Variants in LRRC23 observed in about 807,000 individuals in gnomAD.
The protein encoded by LRRC23 is leucine rich repeat containing 23, also known as leucine-rich repeat-containing protein 23.
In LRRC23, 28 loss-of-function variants were observed where a neutral mutation model predicts 37.7. The observed-to-expected ratio is 0.74, with a 90% confidence interval of 0.55 to 1.02. The LOEUF is 1.02. LRRC23 is among the 50% of genes least tolerant of loss of function. LRRC23 has a pLI of 0.00. For synonymous variants in LRRC23, 161 were observed against 165.4 expected (o/e 0.97, Z 0.20); for missense variants, 377 against 413.2 (o/e 0.91, Z 0.76).
At chr12:6,910,748 TA>T (rs1305619050) in intron 6 of LRRC23, among the ~76,000 whole-genome samples, 1 of 151,318 alleles carries the variant, frequency 6.6e-6, no homozygotes, top group African/African-American at 2.4e-5. Context: ...AAAATTAAAA[TA>T]TTAAATTAAA....
At position 6,913,994 on chromosome 12, in the gene LRRC23, A is replaced by ATT. The variant is rs781815681; in HGVS notation, c.*129_*130dup. 6.2e-7 allele frequency: 1 copy of ATT among 1,613,974 alleles called. No individual in the cohort carries two copies. The highest frequency in any genetic ancestry group is 8.5e-7 in the Non-Finnish European group (1 of 1,179,936). ...GCCTGTTTTTGCCCCAAAGCTGGAA[A>ATT]TTCATCACAACCTGAGGCCCAGGAT... On this transcript the variant is annotated 3_prime_UTR_variant, in exon 8 of 8. Coordinates refer to ENST00000443597, the MANE Select transcript of LRRC23 (RefSeq NM_001135217.2).
At chr12:6,905,993 T>C (rs782616679) in intron 3 of LRRC23, 39 bp downstream of exon 3, 2 of 1,526,022 alleles carry the variant, frequency 1.3e-6, no homozygotes, top group Non-Finnish European at 1.8e-6. Context: ...TGTGAGACTG[T>C]AGGGCCCCTA....
chr12:6,906,831 C>G, intron 4 of LRRC23, 169 bp downstream of exon 4: 1 of 750,148 alleles, frequency 1.3e-6, no homozygotes. Context: ...CATATAGGAT[C>G]CAATAAGACA....
rs143606018 is a variant in LRRC23 at position 6,913,939 on chromosome 12, C to T, written c.*73C>T. On this transcript the variant is annotated 3_prime_UTR_variant, in exon 8 of 8. Transcript: ENST00000443597. ...GACCTGATCAGACTCCCAGGGGCAG[C>T]CACCACATGTATGACAGAGAACAGA... is the stretch of plus-strand genomic sequence containing the variant. 1,110 of 1,611,846 alleles carry T rather than the reference C, an allele frequency of 6.9e-4. 4 individuals carry two copies. Among genetic ancestry groups the T allele is most frequent in the South Asian group, 8.4e-4 (76 of 90,846 alleles).
chr12:6,905,835 C>T lies in LRRC23; in HGVS notation c.127-10C>T, dbSNP rs782192723. 1 of 1,613,800 alleles carries T rather than the reference C, an allele frequency of 6.2e-7. No individual in the cohort carries two copies. The highest frequency in any genetic ancestry group is 1.7e-5 in the Admixed American group (1 of 60,016). ...AGGGGAGAGACACCTTACTCCACTT[C>T]TACCTGCAGTGGCTGCCCACCCCCC... On this transcript the variant is annotated splice_polypyrimidine_tract_variant and intron_variant, in intron 2 of 7. Transcript: ENST00000443597.
At chr12:6,906,757 G>T in intron 4 of LRRC23, 95 bp downstream of exon 4, 1 of 1,286,588 alleles carries the variant, frequency 7.8e-7, no homozygotes, top group Non-Finnish European at 1.1e-6. Context: ...GCACATGGCA[G>T]TCTGCATTCA....
At chr12:6,909,204 AATTATATAT>A (rs1945065629) in intron 5 of LRRC23, among the ~76,000 whole-genome samples, 4 of 17,258 alleles carry the variant, frequency 2.3e-4, no homozygotes, top group Non-Finnish European at 3.0e-4. Flanking sequence ...TATAATATAT[AATTATATAT>A]AATATATATA....
chr12:6,913,194 A>AC, intron 7 of LRRC23, 167 bp downstream of exon 7: 1 of 664,162 alleles, frequency 1.5e-6, no homozygotes, highest in South Asian at 1.9e-5. Context: ...AAAGGGACCC[A>AC]AGGGGCCTGG....
At chr12:6,907,073 A>G (rs1944967012) in intron 4 of LRRC23, among the ~76,000 whole-genome samples, 1 of 152,062 alleles carries the variant, frequency 6.6e-6, no homozygotes, top group South Asian at 2.1e-4. Context: ...AGGAGAGGGA[A>G]TTAGACATGT....
At chr12:6,909,502 T>A (rs79132620) in intron 5 of LRRC23, among the ~76,000 whole-genome samples, 22,350 of 76,502 alleles carry the variant, frequency 0.29, 6,232 homozygotes, top group African/African-American at 0.68. Context: ...TATTATATAT[T>A]ATATATATAA....
chr12:6,905,587 G>A lies in LRRC23; in HGVS notation c.-47G>A. 1 of 1,605,208 alleles carries A rather than the reference G, an allele frequency of 6.2e-7. No individual in the cohort carries two copies. The highest frequency in any genetic ancestry group is 8.5e-7 in the Non-Finnish European group (1 of 1,174,064). ...GCTGATGAGACCTTCTTTTTCAGGA[G>A]GAGGACTGAGCTTATCTGACTCCAG... is the stretch of plus-strand genomic sequence containing the variant. On this transcript the variant is annotated splice_region_variant and 5_prime_UTR_variant, in exon 2 of 8. Transcript: ENST00000443597.
At chr12:6,912,287 A>G (rs1420265602) in intron 6 of LRRC23, among the ~76,000 whole-genome samples, 5 of 152,160 alleles carry the variant, frequency 3.3e-5, no homozygotes, top group Admixed American at 3.3e-4. Context: ...CAAGGACTAC[A>G]GGTGTATGCC....
Position 6,906,453 on chromosome 12 carries a change from G to A in LRRC23, c.281G>A (p.Arg94His), listed in dbSNP as rs376384986. The A allele has an allele frequency of 1.5e-5, 25 of 1,613,872 alleles. No homozygotes were observed. The highest frequency in any genetic ancestry group is 8.3e-5 in the Admixed American group (5 of 59,978). Residue 94 changes from arginine (R) to histidine (H), a missense_variant, in exon 4 of 8, where the codon CGC becomes CAC. Arg to His is a conservative substitution (Grantham distance 29, BLOSUM62 0). Coordinates refer to ENST00000443597, the MANE Select transcript of LRRC23 (RefSeq NM_001135217.2). ...TTGCTGCGCTCCTACATCCATCTGC[G>A]CTATGTGGATATTTCTGAGAACCAC... is the stretch of plus-strand genomic sequence containing the variant. Reference protein sequence around the residue: ...IYLLRSYIHLRYVDISENHLT... With the variant: ...IYLLRSYIHLHYVDISENHLT...
chr12:6,914,114 G>A lies in LRRC23; in HGVS notation c.*248G>A, dbSNP rs1413275537. The A allele has an allele frequency of 1.3e-6, 2 of 1,504,078 alleles. No homozygotes were observed. The highest frequency in any genetic ancestry group is 1.4e-5 in the South Asian group (1 of 73,276). The allele number at this position is 1,504,078 out of a possible 1,614,324, so 93.2% of individuals were successfully genotyped here. A position where few individuals can be genotyped will look rare whatever the true frequency, so the allele number is the denominator to read the frequency against. ...AGCCTAGGCCGGGGGCCGCCCTCGG[G>A]CAGGCGTGGGTGAGAGCCAAGACCG... On this transcript the variant is annotated 3_prime_UTR_variant, in exon 8 of 8. Transcript: ENST00000443597. This position sits in a 1 kb window ranked among gnomAD's most constrained non-coding sequence, Gnocchi z 7.1.
At chr12:6,907,762 G>C (rs782209974) in intron 5 of LRRC23, 1 of 554,108 alleles carries the variant, frequency 1.8e-6, no homozygotes, top group Non-Finnish European at 3.2e-6. Context: ...TTTTTCTTCA[G>C]CTCTTACACT....
intron 5 of LRRC23, among the ~76,000 whole-genome samples, chr12:6,909,142 T>TAA (rs1945051067): frequency 2.4e-4 from 3 of 12,428 alleles, no homozygotes; most frequent in Non-Finnish European, 3.0e-4. Flanking sequence ...TAATTATATA[T>TAA]TATATATTAT....
chr12:6,907,165 G>A, intron 4 of LRRC23, 150 bp from the exon 5 acceptor site: 1 of 869,442 alleles, frequency 1.2e-6, no homozygotes, highest in Non-Finnish European at 1.8e-6. Flanking sequence ...ACTTGCCTCA[G>A]GGCTCCAGAG....
chr12:6,910,112 C>G, intron 6 of LRRC23, 86 bp downstream of exon 6: 1 of 1,287,198 alleles, frequency 7.8e-7, no homozygotes, highest in Non-Finnish European at 1.1e-6. Context: ...GCCCAATCCC[C>G]CAGTCCTAGC....
intron 6 of LRRC23, among the ~76,000 whole-genome samples, chr12:6,912,045 C>T (rs781967605): frequency 6.6e-6 from 1 of 152,286 alleles, no homozygotes; most frequent in Admixed American, 6.5e-5. Context: ...TAATGAGGCA[C>T]ATTAGGAGAT....
Sources: gnomAD v4.1 joint callset for allele counts (sites outside exome capture counted in the v4.1 genomes callset) on GRCh38, gnomAD v4.1.1 for gene constraint, Gnocchi (gnomAD v3.1) non-coding constraint, MANE v1.5 for transcripts, NCBI Gene and HGNC (gene_info 2026-07-23, HGNC 2026-07-21) for gene names.